The following NXPE2 variants were observed in gnomAD, a reference collection of about 807,000 sequenced individuals.
NXPE2 encodes the protein NXPE family member 2.
Under a neutral mutation model 34.4 loss-of-function variants are expected in NXPE2, and 34 were observed. The observed-to-expected ratio is 0.99, with a 90% confidence interval of 0.75 to 1.31. The LOEUF is 1.31. Among genes scored for constraint, NXPE2 ranks in the 40% most tolerant of loss-of-function variants. The pLI is 0.00. For missense variants in NXPE2, 649 were observed against 672.5 expected, an observed-to-expected ratio of 0.97 and a Z score of 0.39; for synonymous variants, 235 against 231.3, an observed-to-expected ratio of 1.02 and a Z score of -0.15.
the NXPE2 span, among the ~76,000 whole-genome samples, chr11:114,624,255 G>T: frequency 6.7e-6 from 1 of 148,890 alleles, no homozygotes; most frequent in Non-Finnish European, 1.5e-5. Flanking sequence ...ACTGTGACCC[G>T]GTGGATAATA....
At chr11:114,467,891 G>A in the NXPE2 span, among the ~76,000 whole-genome samples, 4 of 152,040 alleles carry the variant, frequency 2.6e-5, no homozygotes, top group Non-Finnish European at 5.9e-5. Flanking sequence ...AGCCGAGATT[G>A]TGTCACTGCA....
At chr11:114,806,830 A>G in the NXPE2 span, among the ~76,000 whole-genome samples, 5 of 151,988 alleles carry the variant, frequency 3.3e-5, no homozygotes, top group Admixed American at 6.6e-5. Context: ...AGATTCAGGA[A>G]ATACAGAGAA....
chr11:114,500,476 T>C, the NXPE2 span, among the ~76,000 whole-genome samples: 1 of 152,124 alleles, frequency 6.6e-6, no homozygotes, highest in Non-Finnish European at 1.5e-5. Context: ...TTGTCTGTTT[T>C]CTTTGTTATT....
the NXPE2 span, chr11:114,570,688 G>C: frequency 3.3e-6 from 1 of 299,894 alleles, no homozygotes; most frequent in Non-Finnish European, 6.1e-6. Context: ...CTTCCCATTG[G>C]TGAAGAGGGG....
the NXPE2 span, among the ~76,000 whole-genome samples, chr11:114,784,571 C>G: frequency 6.6e-6 from 1 of 152,174 alleles, no homozygotes; most frequent in Non-Finnish European, 1.5e-5. Flanking sequence ...AGCAAGCTAG[C>G]AGAGTTCATA....
chr11:114,561,965 AT>A, the NXPE2 span, among the ~76,000 whole-genome samples: 1 of 152,106 alleles, frequency 6.6e-6, no homozygotes, highest in East Asian at 1.9e-4. Flanking sequence ...TATTTCACGT[AT>A]CATATTTTAA....
the NXPE2 span, among the ~76,000 whole-genome samples, chr11:114,516,778 C>T: frequency 6.6e-6 from 1 of 152,068 alleles, no homozygotes; most frequent in Non-Finnish European, 1.5e-5. Context: ...AATGCTTTCC[C>T]ACCTTTTTCC....
the NXPE2 span, chr11:114,512,897 C>T: frequency 1.2e-5 from 3 of 247,326 alleles, no homozygotes; most frequent in Non-Finnish European, 2.4e-5. Flanking sequence ...GAAACCAGAG[C>T]GCAATCAGTA....
At chr11:114,725,209 A>C in the NXPE2 span, among the ~76,000 whole-genome samples, 1 of 152,146 alleles carries the variant, frequency 6.6e-6, no homozygotes, top group Non-Finnish European at 1.5e-5. Flanking sequence ...CATTTATATC[A>C]GTTGTTTCCT....
chr11:114,602,556 TTA>T, the NXPE2 span, among the ~76,000 whole-genome samples: 1 of 139,286 alleles, frequency 7.2e-6, no homozygotes, highest in African/African-American at 2.6e-5. Flanking sequence ...AAATTATAGA[TTA>T]TATCATTTAT....
chr11:114,651,601 C>T, the NXPE2 span, among the ~76,000 whole-genome samples: 1 of 152,322 alleles, frequency 6.6e-6, no homozygotes, highest in East Asian at 1.9e-4. Flanking sequence ...CCACATCCTA[C>T]TGATTGGTCC....
At chr11:114,580,206 C>G in the NXPE2 span, 2 of 1,614,078 alleles carry the variant, frequency 1.2e-6, no homozygotes, top group Non-Finnish European at 1.7e-6. Flanking sequence ...GAGTTTTCCT[C>G]TCAGGCATTC....
At chr11:114,517,928 CA>C in the NXPE2 span, 3 of 152,236 alleles carry the variant, frequency 2.0e-5, no homozygotes, top group Non-Finnish European at 4.4e-5. Flanking sequence ...ACACAAGTAC[CA>C]GGGGGAGGCA....
the NXPE2 span, chr11:114,512,951 T>A: frequency 6.3e-6 from 2 of 317,624 alleles, no homozygotes; most frequent in African/African-American, 4.4e-5. Flanking sequence ...TTGAAGATGA[T>A]CCTGTCACAG....
Position 114,688,719 on chromosome 11 carries a change from C to T in NXPE2, c.132+8957C>T, listed in dbSNP as rs78696487. On this transcript the variant is annotated intron_variant, in intron 2 of 5. Coordinates refer to ENST00000389586, the MANE Select transcript of NXPE2 (RefSeq NM_182495.6). ...AGCTGTGAATCCATGTAATCCAGGG[C>T]TTTTTCTGCATGATAGGTTTTTAAA... is the stretch of plus-strand genomic sequence containing the variant. Among the ~76,000 whole-genome samples the T allele has an allele frequency of 6.9e-3, 1,056 of 152,048 alleles. 6 individuals carry two copies. The highest frequency in any genetic ancestry group is 0.012 in the Non-Finnish European group (801 of 67,872).
At chr11:114,603,582 T>C in the NXPE2 span, among the ~76,000 whole-genome samples, 1 of 151,368 alleles carries the variant, frequency 6.6e-6, no homozygotes, top group African/African-American at 2.4e-5. Flanking sequence ...GTCTCCTAGG[T>C]AACTCCTATT....
chr11:114,525,670 A>G, the NXPE2 span, among the ~76,000 whole-genome samples: 1 of 152,176 alleles, frequency 6.6e-6, no homozygotes, highest in Non-Finnish European at 1.5e-5. Context: ...CTGAGTTGCA[A>G]CACCTGGCTT....
At chr11:114,531,202 A>G in the NXPE2 span, among the ~76,000 whole-genome samples, 1 of 152,094 alleles carries the variant, frequency 6.6e-6, no homozygotes, top group African/African-American at 2.4e-5. Flanking sequence ...TATTTTAGAG[A>G]ATGTCTGAAC....
the NXPE2 span, among the ~76,000 whole-genome samples, chr11:114,574,589 A>G: frequency 6.6e-6 from 1 of 152,136 alleles, no homozygotes; most frequent in Non-Finnish European, 1.5e-5. Context: ...CACATAAACT[A>G]GAAAACCTAG....
Sources: allele counts gnomAD v4.1 joint callset (sites outside exome capture counted in the v4.1 genomes callset), GRCh38; gene constraint gnomAD v4.1.1; transcripts MANE v1.5; gene names NCBI Gene and HGNC (gene_info 2026-07-23, HGNC 2026-07-21).